CNNM4: variants seen among roughly 807,000 people sequenced by gnomAD.
CNNM4 encodes the protein metal transporter CNNM4.
In CNNM4, 32 loss-of-function variants were observed where a neutral mutation model predicts 53.7. That is an observed-to-expected ratio of 0.60 (90% CI 0.45 to 0.80). CNNM4 has a LOEUF of 0.80. Among genes scored for constraint, CNNM4 ranks in the 30% least tolerant of loss-of-function variants. CNNM4 has a pLI of 0.00. For synonymous variants in CNNM4, 410 were observed against 440.0 expected (o/e 0.93, Z 0.85); for missense variants, 784 against 1,022.0 (o/e 0.77, Z 3.17).
At chr2:96,762,638 C>G (rs150546223) in intron 1 of CNNM4, among the ~76,000 whole-genome samples, 399 of 152,218 alleles carry the variant, frequency 2.6e-3, no homozygotes, top group Non-Finnish European at 4.3e-3. Flanking sequence ...ATAAGACATA[C>G]TCGCTCCCTT....
At position 96,761,085 on chromosome 2, in the gene CNNM4, T is replaced by TGCTGTGGGC. The variant is rs1191837197; in HGVS notation, c.91_99dup (p.Trp31_Leu33dup). On this transcript the variant is annotated inframe_insertion, in exon 1 of 7. Coordinates refer to ENST00000377075, the MANE Select transcript of CNNM4 (RefSeq NM_020184.4). The surrounding 1 kb of genome is among the most constrained non-coding windows in gnomAD (Gnocchi z 6.0). ...CTGGCGGCGCCGGTGCTGCTGGTGC[T>TGCTGTGGGC]GCTGTGGGCGCTGGGGGCCCGGGGC... 6 of 1,473,248 alleles carry TGCTGTGGGC rather than the reference T, an allele frequency of 4.1e-6. No homozygotes were observed. The highest frequency in any genetic ancestry group is 2.5e-5 in the East Asian group (1 of 40,734). 91.3% of individuals were successfully genotyped at this position (1,473,248 alleles called of 1,614,324 possible).
Position 96,808,800 on chromosome 2 carries a change from T to G in CNNM4, c.2130+58T>G. 2 of 1,559,840 alleles carry G rather than the reference T, an allele frequency of 1.3e-6. No homozygotes were observed. ...TATCTTCTGCTCAGGAATCAGCTAC[T>G]ACTTTCATCCACCAAACCCAGCATG... On this transcript the variant is annotated intron_variant, in intron 6 of 6. Coordinates refer to ENST00000377075, the MANE Select transcript of CNNM4 (RefSeq NM_020184.4). The surrounding 1 kb of genome is among the most constrained non-coding windows in gnomAD (Gnocchi z 4.9).
chr2:96,776,432 G>A (rs775253558), intron 1 of CNNM4, among the ~76,000 whole-genome samples: 6 of 152,112 alleles, frequency 3.9e-5, no homozygotes, highest in Non-Finnish European at 8.8e-5. Flanking sequence ...GGGTAATTGG[G>A]ATATTCATCA....
At chr2:96,807,145 G>A (rs2153351433) in intron 5 of CNNM4, among the ~76,000 whole-genome samples, 1 of 152,272 alleles carries the variant, frequency 6.6e-6, no homozygotes, top group Middle Eastern at 3.4e-3. Flanking sequence ...CAAGGAGCTG[G>A]GGCCACAGGT....
At chr2:96,771,261 C>T (rs1046610960) in intron 1 of CNNM4, among the ~76,000 whole-genome samples, 9 of 149,304 alleles carry the variant, frequency 6.0e-5, no homozygotes, top group African/African-American at 2.0e-4. Context: ...GGACTCCTTA[C>T]TTCTGTGCTT....
chr2:96,806,036 G>A lies in CNNM4; in HGVS notation c.1949-2525G>A, dbSNP rs1248849752. On this transcript the variant is annotated intron_variant, in intron 5 of 6. Coordinates refer to ENST00000377075, the MANE Select transcript of CNNM4 (RefSeq NM_020184.4). The stretch of plus-strand genomic sequence containing the variant: ...CCAGTAGGGGCGGCCGGGCAGAGGC[G>A]CCCCTCACCTCCCGGACGGGGCGGC... Among the ~76,000 whole-genome samples, 18 of 149,922 alleles carry A rather than the reference G, an allele frequency of 1.2e-4. 1 individual carries two copies. Among genetic ancestry groups the A allele is most frequent in the African/African-American group, 4.5e-4 (18 of 40,106 alleles).
intron 1 of CNNM4, among the ~76,000 whole-genome samples, chr2:96,772,533 T>TCA (rs2078885946): frequency 8.9e-6 from 1 of 112,128 alleles, no homozygotes; most frequent in African/African-American, 3.6e-5. Context: ...AGGCAGGCAC[T>TCA]CACACACACA....
In CNNM4 at chr2:96,762,111, A is replaced by G. The variant is rs2078770100; in HGVS notation, c.1112A>G (p.Lys371Arg). The change falls in exon 1 of 7, where the codon AAA becomes AGA. Residue 371 changes from lysine (K) to arginine (R), a missense_variant. Physicochemically the swap from Lys to Arg is conservative, Grantham distance 26 (BLOSUM62 2). Around this residue, in one of 3 missense-constraint regions of CNNM4, gnomAD observed 473 missense variants for 624.6 expected, o/e 0.76. Transcript: ENST00000377075. ...CAGGGTGCCCTGGAACTACGGACCA[A>G]AACTGTAGAGGATATCATGACCCAG... is the stretch of plus-strand genomic sequence containing the variant. Reference protein sequence around the residue: ...MIQGALELRTKTVEDIMTQLQ... With the variant: ...MIQGALELRTRTVEDIMTQLQ... The G allele has an allele frequency of 1.2e-6, 2 of 1,613,984 alleles. No individual in the cohort carries two copies. The highest frequency in any genetic ancestry group is 1.7e-6 in the Non-Finnish European group (2 of 1,180,028).
intron 1 of CNNM4, among the ~76,000 whole-genome samples, chr2:96,779,588 T>C (rs2078955769): frequency 6.6e-6 from 1 of 151,418 alleles, no homozygotes; most frequent in African/African-American, 2.4e-5. Context: ...TGGACTGTGG[T>C]GCACATGTGG....
intron 1 of CNNM4, among the ~76,000 whole-genome samples, chr2:96,787,128 A>G (rs978220488): frequency 3.9e-5 from 6 of 152,192 alleles, no homozygotes; most frequent in African/African-American, 1.4e-4. Flanking sequence ...TCCTGGGCAC[A>G]CCTTGCATGC....
rs763698694 is a variant in CNNM4, at chr2:96,799,205, C to T, written c.1830C>T (p.Asp610=). The T allele has an allele frequency of 6.2e-7, 1 of 1,614,236 alleles. No homozygotes were observed. Among genetic ancestry groups the T allele is most frequent in the Non-Finnish European group, 8.5e-7 (1 of 1,180,040 alleles). Residue 610 remains aspartate (D), a synonymous_variant, in exon 4 of 7, where the codon GAC becomes GAT. Coordinates refer to ENST00000377075, the MANE Select transcript of CNNM4 (RefSeq NM_020184.4). ...TGTACACCCGAAATAAGCCGGCCGA[C>T]TACTTCATCCTCATCCTGCAGGTGA... is the stretch of plus-strand genomic sequence containing the variant. ...HYLYTRNKPA[D]YFILILQGKV...
chr2:96,761,512 C>T lies in CNNM4; in HGVS notation c.513C>T (p.Phe171=), dbSNP rs2153341585. The change falls in exon 1 of 7, where the codon TTC becomes TTT. Residue 171 remains phenylalanine, a synonymous_variant. Coordinates refer to ENST00000377075, the MANE Select transcript of CNNM4 (RefSeq NM_020184.4). The surrounding 1 kb of genome is among the most constrained non-coding windows in gnomAD (Gnocchi z 6.0). ...GGACGGACAAGGACTCACTGCTCTT[C>T]ATGGTGGAGGAGCCTGGGAGGTTCC... ...LKWTDKDSLL[F]MVEEPGRFLP... 1.9e-6 allele frequency: 3 copies of T among 1,614,130 alleles called. No homozygotes were observed. Among genetic ancestry groups the T allele is most frequent in the Non-Finnish European group, 1.7e-6 (2 of 1,179,976 alleles).
intron 1 of CNNM4, among the ~76,000 whole-genome samples, chr2:96,779,180 G>C (rs956720951): frequency 3.9e-5 from 6 of 152,080 alleles, no homozygotes; most frequent in Non-Finnish European, 5.9e-5. Flanking sequence ...GGATGGTCTC[G>C]ATCTCCTGAG....
chr2:96,811,172 CAT>C lies in CNNM4; in HGVS notation c.*1657_*1658del, dbSNP rs1356089786. On this transcript the variant is annotated 3_prime_UTR_variant, in exon 7 of 7. Transcript: ENST00000377075. ...CCTGGCCAGTCTGAGGTCTCCTAGC[CAT>C]AGAACTGACTCCTGGAAGCCTGGAG... 4 of 152,310 alleles carry C rather than the reference CAT, an allele frequency of 2.6e-5. No individual in the cohort carries two copies. The highest frequency in any genetic ancestry group is 9.6e-5 in the African/African-American group (4 of 41,462). 9.4% of individuals were successfully genotyped at this position (152,310 alleles called of 1,614,324 possible).
Position 96,797,520 on chromosome 2 carries a change from C to T in CNNM4, c.1554C>T (p.Asn518=), listed in dbSNP as rs763115064. Residue 518 remains asparagine, a synonymous_variant, in exon 3 of 7, where the codon AAC becomes AAT. Transcript: ENST00000377075. The surrounding 1 kb of genome is among the most constrained non-coding windows in gnomAD (Gnocchi z 6.0). ...ILDESDMYTD[N]RSRKRVSEKN... Reference sequence around the variant, plus strand: ...ACGCTCTTCTTCCGGCAGCTGACAACCGAAGCCGGAAGCGGGTGTCTGAGA... The same window carrying T: ...ACGCTCTTCTTCCGGCAGCTGACAATCGAAGCCGGAAGCGGGTGTCTGAGA... 4.3e-6 allele frequency: 7 copies of T among 1,614,168 alleles called. No homozygotes were observed. In the South Asian group the frequency reaches 7.7e-5, roughly 18 times the overall value.
chr2:96,795,087 C>T, intron 1 of CNNM4, among the ~76,000 whole-genome samples: 1 of 152,252 alleles, frequency 6.6e-6, no homozygotes, highest in East Asian at 1.9e-4. Context: ...AAATCTGAAA[C>T]ACTTCTGATC....
At chr2:96,791,598 A>G (rs1202340297) in intron 1 of CNNM4, among the ~76,000 whole-genome samples, 1 of 152,102 alleles carries the variant, frequency 6.6e-6, no homozygotes, top group Non-Finnish European at 1.5e-5. Context: ...CAAAAAAAAA[A>G]AAAAGAAAGA....
intron 1 of CNNM4, among the ~76,000 whole-genome samples, chr2:96,771,153 C>A (rs907640771): frequency 3.9e-5 from 6 of 152,148 alleles, no homozygotes. Flanking sequence ...GCCTGCCCTG[C>A]GCCTCGCTTA....
intron 1 of CNNM4, among the ~76,000 whole-genome samples, chr2:96,765,438 T>G (rs1054208466): frequency 3.3e-5 from 5 of 151,966 alleles, no homozygotes; most frequent in African/African-American, 1.2e-4. Context: ...TCAGCTGGCA[T>G]TGTTAACAGC....
Sources: gnomAD v4.1 joint callset for allele counts (sites outside exome capture counted in the v4.1 genomes callset) on GRCh38, gnomAD v4.1.1 for gene constraint, gnomAD v4.1.1 regional missense constraint, Gnocchi (gnomAD v3.1) non-coding constraint, MANE v1.5 for transcripts, NCBI Gene and HGNC (gene_info 2026-07-23, HGNC 2026-07-21) for gene names.